NANP: variants seen among roughly 807,000 people sequenced by gnomAD.
NANP encodes N-acylneuraminate-9-phosphatase.
NANP carries 15 observed loss-of-function variants against 16.9 expected under a neutral mutation model. That is an observed-to-expected ratio of 0.89 (90% CI 0.59 to 1.37). NANP has a LOEUF of 1.37. Ranked by LOEUF, NANP falls within the 40% of genes most tolerant of loss-of-function variation. The probability of loss-of-function intolerance (pLI) is 0.00; values close to 1 mark genes in which losing one functional copy is unlikely to be tolerated. For missense variants in NANP, 290 were observed against 303.5 expected (o/e 0.96, Z 0.33); for synonymous variants, 135 against 112.6 (o/e 1.20, Z -1.26).
At chr20:25,617,432 G>C (rs966551873) in intron 1 of NANP, among the ~76,000 whole-genome samples, 2 of 152,034 alleles carry the variant, frequency 1.3e-5, no homozygotes, top group African/African-American at 4.8e-5. Context: ...GGCTGGTCTC[G>C]AACTCCTGAC....
In NANP at chr20:25,614,120, A is replaced by T; in HGVS notation, c.*1805T>A. ...AGTCAAGGGCACAATCACATTTTTA[A>T]AAATCTAGAGCGAAAAGTAAACACG... On this transcript the variant is annotated 3_prime_UTR_variant, in exon 2 of 2. Transcript: ENST00000304788. The T allele has an allele frequency of 3.0e-6, 1 of 330,066 alleles. No homozygotes were observed. Among genetic ancestry groups the T allele is most frequent in the Non-Finnish European group, 5.5e-6 (1 of 183,160 alleles). 20.4% of individuals were successfully genotyped at this position (330,066 alleles called of 1,614,324 possible).
rs1363005049 is a variant in NANP at position 25,616,022 on chromosome 20, A to G, written c.650T>C (p.Leu217Pro). 6.2e-7 allele frequency: 1 copy of G among 1,614,250 alleles called. No individual in the cohort carries two copies. Among genetic ancestry groups the G allele is most frequent in the South Asian group, 1.1e-5 (1 of 91,088 alleles). The change falls in exon 2 of 2, where the codon CTG (leucine) becomes CCG (proline). Residue 217 changes from leucine to proline, a missense_variant. By Grantham distance (98) the Leu-to-Pro change is moderately conservative. Coordinates refer to ENST00000304788, the MANE Select transcript of NANP (RefSeq NM_152667.3). The part of the protein sequence containing the change: ...VWINKNGIVP[L>P]KSSPVPHYMV... ...GTAATGCGGAACTGGGGAGGACTTCAGTGGCACTATTCCATTTTTATTGAT... is the reference window on the plus strand; with the variant it reads ...GTAATGCGGAACTGGGGAGGACTTCGGTGGCACTATTCCATTTTTATTGAT...
rs1182532129 is a variant in NANP at position 25,614,217 on chromosome 20, TCACAGATAGGTA to T, written c.*1696_*1707del. The T allele has an allele frequency of 5.6e-6, 1 of 178,254 alleles. No individual in the cohort carries two copies. Among genetic ancestry groups the T allele is most frequent in the African/African-American group, 2.4e-5 (1 of 42,552 alleles). The allele number at this position is 178,254 out of a possible 1,614,324, so 11.0% of individuals were successfully genotyped here. A position where few individuals can be genotyped will look rare whatever the true frequency, so the allele number is the denominator to read the frequency against. The stretch of plus-strand genomic sequence containing the variant: ...CAGAAAACTGGCTAAAGAAATAGGC[TCACAGATAGGTA>T]CAATCTACAATTTGATTCTCTGAGT... On this transcript the variant is annotated 3_prime_UTR_variant, in exon 2 of 2. Transcript: ENST00000304788.
At chr20:25,617,816 C>A (rs1345269822) in intron 1 of NANP, among the ~76,000 whole-genome samples, 1 of 152,162 alleles carries the variant, frequency 6.6e-6, no homozygotes, top group East Asian at 1.9e-4. Context: ...TGCGCCCGGC[C>A]CCAATTCTGT....
chr20:25,616,617 A>G, intron 1 of NANP, 36 bp from the exon 2 acceptor site: 1 of 1,485,948 alleles, frequency 6.7e-7, no homozygotes, highest in South Asian at 1.3e-5. Flanking sequence ...AACACATTGC[A>G]TGTCTTTAGT....
At chr20:25,617,056 A>G (rs527947552) in intron 1 of NANP, among the ~76,000 whole-genome samples, 9 of 152,326 alleles carry the variant, frequency 5.9e-5, no homozygotes, top group African/African-American at 1.9e-4. Flanking sequence ...AACTCGTTGT[A>G]CTTATTTTTG....
intron 1 of NANP, 63 bp from the exon 2 acceptor site, chr20:25,616,644 G>T: frequency 7.6e-7 from 1 of 1,317,916 alleles, no homozygotes; most frequent in Non-Finnish European, 1.0e-6. Flanking sequence ...GCCCTAGGAA[G>T]CTGTGATCCT....
chr20:25,623,906 T>C lies in NANP; in HGVS notation c.43A>G (p.Asn15Asp), dbSNP rs753559416. The C allele has an allele frequency of 3.1e-6, 5 of 1,613,462 alleles. No individual in the cohort carries two copies. The highest frequency in any genetic ancestry group is 3.4e-6 in the Non-Finnish European group (4 of 1,179,710). Reference protein sequence around the residue: ...RVRAVFFDLDNTLIDTAGASR... With the variant: ...RVRAVFFDLDDTLIDTAGASR... ...GCCCCGGCCGTGTCGATGAGAGTGT[T>C]GTCCAAGTCAAAGAAAACCGCCCGC... Residue 15 changes from asparagine (N) to aspartate (D), a missense_variant, in exon 1 of 2, where the codon AAC becomes GAC. Coordinates refer to ENST00000304788, the MANE Select transcript of NANP (RefSeq NM_152667.3).
intron 1 of NANP, among the ~76,000 whole-genome samples, chr20:25,619,927 C>T (rs770930957): frequency 6.6e-6 from 1 of 152,198 alleles, no homozygotes; most frequent in Admixed American, 6.5e-5. Flanking sequence ...ATTTGCTCAC[C>T]TTAAAAGGGA....
intron 1 of NANP, among the ~76,000 whole-genome samples, chr20:25,623,527 C>T (rs542512809): frequency 4.1e-4 from 63 of 152,332 alleles, no homozygotes; most frequent in Non-Finnish European, 7.1e-4. Context: ...CGCCTGGTCT[C>T]GCGGCTTTGC....
intron 1 of NANP, among the ~76,000 whole-genome samples, chr20:25,618,626 A>G (rs2065352882): frequency 6.6e-6 from 1 of 152,052 alleles, no homozygotes; most frequent in Admixed American, 6.6e-5. Flanking sequence ...ACACAAGGGT[A>G]TCTATACACA....
rs143534319 is a variant in NANP at position 25,616,214 on chromosome 20, G to A, written c.458C>T (p.Ala153Val). ...EACACQSYFD[A>V]VVVGGEQREE... ...TCTCTGCTCTCCACCTACAACAACA[G>A]CGTCAAAATAGGACTGACAGGCACA... Residue 153 changes from alanine to valine, a missense_variant, in exon 2 of 2, where the codon GCT becomes GTT. Coordinates refer to ENST00000304788, the MANE Select transcript of NANP (RefSeq NM_152667.3). The A allele has an allele frequency of 2.2e-4, 348 of 1,614,112 alleles. 2 individuals carry two copies. In the African/African-American group the frequency reaches 4.2e-3, roughly 19 times the overall value.
Position 25,616,160 on chromosome 20 carries a change from T to C in NANP, c.512A>G (p.Tyr171Cys). ...TACTCCGAGAAGATTGCAGCAGTAATAAAATATGGACGGTGCTGGTTTCTC... is the reference window on the plus strand; with the variant it reads ...TACTCCGAGAAGATTGCAGCAGTAACAAAATATGGACGGTGCTGGTTTCTC... ...REEKPAPSIF[Y>C]YCCNLLGVQP... is the part of the protein sequence containing the mutation. The change falls in exon 2 of 2, where the codon TAT becomes TGT. Residue 171 changes from tyrosine (Y) to cysteine (C), a missense_variant. Coordinates refer to ENST00000304788, the MANE Select transcript of NANP (RefSeq NM_152667.3). The C allele has an allele frequency of 1.2e-6, 2 of 1,614,078 alleles. No homozygotes were observed. The highest frequency in any genetic ancestry group is 1.7e-6 in the Non-Finnish European group (2 of 1,180,026).
Position 25,615,844 on chromosome 20 carries a change from A to AT in NANP, c.*80dup. On this transcript the variant is annotated 3_prime_UTR_variant, in exon 2 of 2. Coordinates refer to ENST00000304788, the MANE Select transcript of NANP (RefSeq NM_152667.3). The stretch of plus-strand genomic sequence containing the variant: ...AAATTATTCTTAGAGCTGGATTATC[A>AT]TAAGTGGAGTGCCCTAACTTTTCTT... 2 of 1,322,098 alleles carry AT rather than the reference A, an allele frequency of 1.5e-6. No homozygotes were observed. Among genetic ancestry groups the AT allele is most frequent in the Non-Finnish European group, 2.1e-6 (2 of 960,498 alleles). The allele number at this position is 1,322,098 out of a possible 1,614,324, so 81.9% of individuals were successfully genotyped here. A position where few individuals can be genotyped will look rare whatever the true frequency, so the allele number is the denominator to read the frequency against.
At chr20:25,618,098 C>A (rs1168034766) in intron 1 of NANP, among the ~76,000 whole-genome samples, 2 of 150,716 alleles carry the variant, frequency 1.3e-5, no homozygotes, top group African/African-American at 4.9e-5. Flanking sequence ...AGCCCACATG[C>A]TTGCCTTTGC....
At chr20:25,621,746 G>C (rs1303434031) in intron 1 of NANP, among the ~76,000 whole-genome samples, 3 of 152,198 alleles carry the variant, frequency 2.0e-5, no homozygotes, top group Non-Finnish European at 4.4e-5. Context: ...GTAGAGACGG[G>C]GTTTCACCGT....
intron 1 of NANP, among the ~76,000 whole-genome samples, chr20:25,620,214 A>C (rs2065359048): frequency 6.6e-6 from 1 of 152,182 alleles, no homozygotes; most frequent in Admixed American, 6.5e-5. Flanking sequence ...ATTGAATTGG[A>C]GGTGAAGGAA....
Position 25,623,874 on chromosome 20 carries a change from C to T in NANP, c.75G>A (p.Arg25=), listed in dbSNP as rs549528302. The T allele has an allele frequency of 1.2e-6, 2 of 1,613,576 alleles. No individual in the cohort carries two copies. Among genetic ancestry groups the T allele is most frequent in the East Asian group, 2.2e-5 (1 of 44,826 alleles). Residue 25 remains arginine, a synonymous_variant, in exon 1 of 2, where the codon AGG becomes AGA. Transcript: ENST00000304788. ...GGGACGTTACCTCCAACATGCCTCT[C>T]CTGCTCGCCCCGGCCGTGTCGATGA... The part of the protein sequence containing the change: ...NTLIDTAGAS[R]RGMLEVIKLL...
At position 25,613,182 on chromosome 20, in the gene NANP, GTTA is replaced by G. The variant is rs1314161120; in HGVS notation, c.*2740_*2742del. 1 of 151,920 alleles carries G rather than the reference GTTA, an allele frequency of 6.6e-6. No individual in the cohort carries two copies. The highest frequency in any genetic ancestry group is 1.5e-5 in the Non-Finnish European group (1 of 68,010). The allele number at this position is 151,920 out of a possible 1,614,324, so 9.4% of individuals were successfully genotyped here. A position where few individuals can be genotyped will look rare whatever the true frequency, so the allele number is the denominator to read the frequency against. On this transcript the variant is annotated 3_prime_UTR_variant, in exon 2 of 2. Coordinates refer to ENST00000304788, the MANE Select transcript of NANP (RefSeq NM_152667.3). Reference sequence around the variant, plus strand: ...ATTTATATTTATATATAGTTACAGTGTTATCTAACACTATAAATGTGTTAAAGA... The same window carrying G: ...ATTTATATTTATATATAGTTACAGTGTCTAACACTATAAATGTGTTAAAGA...
Sources: gnomAD v4.1 joint callset for allele counts (sites outside exome capture counted in the v4.1 genomes callset) on GRCh38, gnomAD v4.1.1 for gene constraint, MANE v1.5 for transcripts, NCBI Gene and HGNC (gene_info 2026-07-23, HGNC 2026-07-21) for gene names.